Variants in NUP98 observed in about 807,000 individuals in gnomAD.
NUP98 encodes nucleoporin 98 and 96 precursor.
Under a neutral mutation model 191.9 loss-of-function variants are expected in NUP98, and 26 were observed. That is an observed-to-expected ratio of 0.14 (90% CI 0.10 to 0.19). The LOEUF (loss-of-function observed/expected upper bound fraction) is 0.19. Among genes scored for constraint, NUP98 ranks in the 10% least tolerant of loss-of-function variants. The probability of loss-of-function intolerance (pLI) is 1.00; values close to 1 mark genes in which losing one functional copy is unlikely to be tolerated. For missense variants in NUP98, 1,941 were observed against 2,178.8 expected (o/e 0.89, Z 2.17); for synonymous variants, 808 against 778.4 (o/e 1.04, Z -0.63).
Position 3,675,861 on chromosome 11 carries a change from C to A in NUP98, c.*298G>T. On this transcript the variant is annotated 3_prime_UTR_variant, in exon 33 of 33. Transcript: ENST00000324932. ...ATGGCTAGGGATGGAAAAAGAATAC[C>A]CTGGTTCTTTGGGGGATTCTGCCAA... is the stretch of plus-strand genomic sequence containing the variant. 2.3e-6 allele frequency: 1 copy of A among 442,982 alleles called. No individual in the cohort carries two copies. Among genetic ancestry groups the A allele is most frequent in the East Asian group, 4.0e-5 (1 of 25,164 alleles). The allele number at this position is 442,982 out of a possible 1,614,324, so 27.4% of individuals were successfully genotyped here.
intron 10 of NUP98, among the ~76,000 whole-genome samples, chr11:3,755,459 C>G (rs2080926583): frequency 6.6e-6 from 1 of 151,400 alleles, no homozygotes; most frequent in Non-Finnish European, 1.5e-5. Flanking sequence ...AGCAAGACTC[C>G]GTCTCCAAAA....
intron 13 of NUP98, among the ~76,000 whole-genome samples, chr11:3,734,462 C>A (rs2079970064): frequency 6.6e-6 from 1 of 152,288 alleles, no homozygotes; most frequent in Middle Eastern, 3.4e-3. Context: ...TATGCATGAT[C>A]TCATTTAGCC....
Position 3,765,801 on chromosome 11 carries a change from CA to C in NUP98, c.949-2763del, listed in dbSNP as rs368424606. Among the ~76,000 whole-genome samples the C allele has an allele frequency of 5.7e-3, 660 of 115,310 alleles. 3 individuals are homozygous for C. The highest frequency in any genetic ancestry group is 0.038 in the East Asian group (137 of 3,566). 75.6% of individuals were successfully genotyped at this position (115,310 alleles called of 152,430 possible). ...GGGCAATTAGAACAAGACTCTGTCT[CA>C]AAAAAAAAAAAAAAAAAATTGATCA... is the stretch of plus-strand genomic sequence containing the variant. On this transcript the variant is annotated intron_variant, in intron 8 of 32. Transcript: ENST00000324932.
rs532266219 is a variant in NUP98, at chr11:3,750,840, T to TGCTCAAGATGATGTTAA, written c.1267+2459_1267+2475dup. ...TTTTTTTGATAGCATCTTACTATGT[T>TGCTCAAGATGATGTTAA]GCTCAAGATGATGTTAAACTCCTGA... On this transcript the variant is annotated intron_variant, in intron 11 of 32. Transcript: ENST00000324932. Among the ~76,000 whole-genome samples, 563 of 152,242 alleles carry TGCTCAAGATGATGTTAA rather than the reference T, an allele frequency of 3.7e-3. 1 individual carries two copies. Among genetic ancestry groups the TGCTCAAGATGATGTTAA allele is most frequent in the Non-Finnish European group, 5.5e-3 (377 of 67,998 alleles).
Position 3,706,746 on chromosome 11 carries a change from T to C in NUP98, c.2743-119A>G, listed in dbSNP as rs998987200. ...AACAATTATTAGATTCAGCCCATTC[T>C]ATGGTGAGGTAAGGTAGCAGATTTG... On this transcript the variant is annotated intron_variant, in intron 20 of 32. Transcript: ENST00000324932. The C allele has an allele frequency of 2.1e-4, 199 of 953,556 alleles. 1 individual carries two copies. In the East Asian group the frequency reaches 4.8e-3, roughly 23 times the overall value. The allele number at this position is 953,556 out of a possible 1,614,324, so 59.1% of individuals were successfully genotyped here.
intron 1 of NUP98, among the ~76,000 whole-genome samples, chr11:3,792,141 T>C (rs1162082934): frequency 6.8e-5 from 8 of 117,836 alleles, no homozygotes; most frequent in Middle Eastern, 7.0e-3. Flanking sequence ...ATCGTGCCAC[T>C]GCACTCCAGC....
At chr11:3,703,769 C>T (rs1002566682) in intron 22 of NUP98, among the ~76,000 whole-genome samples, 2 of 152,154 alleles carry the variant, frequency 1.3e-5, no homozygotes, top group African/African-American at 4.8e-5. Flanking sequence ...AATAAAAACA[C>T]ACTAGGTATC....
At chr11:3,738,087 CAAAA>C (rs61502115) in intron 12 of NUP98, among the ~76,000 whole-genome samples, 1,341 of 69,766 alleles carry the variant, frequency 0.019, 23 homozygotes, top group African/African-American at 0.064. Context: ...TGGGCGTTCT[CAAAA>C]AAAAAAAAAA....
intron 26 of NUP98, among the ~76,000 whole-genome samples, 154 bp from the exon 27 acceptor site, chr11:3,693,529 G>A (rs1055099227): frequency 3.3e-5 from 5 of 152,230 alleles, no homozygotes; most frequent in African/African-American, 1.2e-4. Context: ...CAGCTAGTGA[G>A]AGGGAATATT....
At chr11:3,752,418 G>A (rs2080796307) in intron 11 of NUP98, among the ~76,000 whole-genome samples, 1 of 151,982 alleles carries the variant, frequency 6.6e-6, no homozygotes, top group African/African-American at 2.4e-5. Flanking sequence ...TAGGAAGGCT[G>A]AGGGAGGAGA....
At chr11:3,793,158 T>C (rs1355061963) in intron 1 of NUP98, among the ~76,000 whole-genome samples, 2 of 152,140 alleles carry the variant, frequency 1.3e-5, no homozygotes, top group African/African-American at 4.8e-5. Context: ...CAAAGAGCAG[T>C]TAGAATTATC....
intron 8 of NUP98, among the ~76,000 whole-genome samples, chr11:3,765,863 A>C (rs192478636): frequency 2.5e-4 from 38 of 152,276 alleles, no homozygotes; most frequent in African/African-American, 6.0e-4. Flanking sequence ...GCTGTGAAGA[A>C]TCCAACCTCA....
rs143736957 is a variant in NUP98, at chr11:3,716,271, T to A, written c.2400-2276A>T. On this transcript the variant is annotated intron_variant, in intron 18 of 32. Coordinates refer to ENST00000324932, the MANE Select transcript of NUP98 (RefSeq NM_016320.5). ...CTTTGTATATGGCATAACTTCACTC[T>A]TTTGTATGTGGATATCCAGTTTGCC... Among the ~76,000 whole-genome samples, 158 of 152,296 alleles carry A rather than the reference T, an allele frequency of 1.0e-3. 3 individuals carry two copies. The East Asian group carries it at 0.03, about 29-fold the overall frequency.
intron 10 of NUP98, 59 bp downstream of exon 10, chr11:3,760,480 A>G (rs770804694): frequency 6.2e-7 from 1 of 1,613,740 alleles, no homozygotes; most frequent in South Asian, 1.1e-5. Context: ...CCTGCTTTTT[A>G]TATGTACCAA....
At chr11:3,679,517 A>T in intron 31 of NUP98, 37 bp downstream of exon 31, 1 of 1,613,248 alleles carries the variant, frequency 6.2e-7, no homozygotes, top group Non-Finnish European at 8.5e-7. Context: ...GGCCTGAGAA[A>T]AGGAAAATCA....
At chr11:3,770,847 A>T (rs1265524760) in intron 7 of NUP98, among the ~76,000 whole-genome samples, 2 of 152,070 alleles carry the variant, frequency 1.3e-5, no homozygotes, top group African/African-American at 2.4e-5. Flanking sequence ...CTGGGTCCAG[A>T]ACCTCATCTT....
chr11:3,753,447 ATAACTCT>A (rs760219367), intron 10 of NUP98, 39 bp from the exon 11 acceptor site: 11 of 1,476,568 alleles, frequency 7.4e-6, no homozygotes, highest in African/African-American at 2.8e-5. Context: ...TACTTTTAAT[ATAACTCT>A]CAATTTCCTC....
chr11:3,703,808 G>A (rs184720498), intron 22 of NUP98, among the ~76,000 whole-genome samples: 42 of 152,170 alleles, frequency 2.8e-4, no homozygotes, highest in Admixed American at 2.7e-3. Context: ...CCTTCTGAAG[G>A]ACAGTTCTTT....
intron 14 of NUP98, among the ~76,000 whole-genome samples, chr11:3,730,590 C>G (rs2079804822): frequency 6.6e-6 from 1 of 152,184 alleles, no homozygotes; most frequent in African/African-American, 2.4e-5. Context: ...TCTCAAACTC[C>G]TGACCTCCAG....
Sources: allele counts gnomAD v4.1 joint callset (sites outside exome capture counted in the v4.1 genomes callset), GRCh38; gene constraint gnomAD v4.1.1; transcripts MANE v1.5; gene names NCBI Gene and HGNC (gene_info 2026-07-23, HGNC 2026-07-21).